Variants in DCLK1 observed in about 807,000 individuals in gnomAD.
DCLK1 encodes the protein doublecortin like kinase 1, also known as serine/threonine-protein kinase DCLK1.
DCLK1 carries 16 observed loss-of-function variants against 86.2 expected under a neutral mutation model. The ratio of observed to expected loss-of-function variants is 0.19; its 90% CI spans 0.13 to 0.28. The LOEUF (loss-of-function observed/expected upper bound fraction) is 0.28. Ranked by LOEUF, DCLK1 falls within the 10% of genes least tolerant of loss-of-function variation. The probability of loss-of-function intolerance (pLI) is 1.00; values close to 1 mark genes in which losing one functional copy is unlikely to be tolerated. For synonymous variants in DCLK1, 369 were observed against 370.5 expected (o/e 1.00, Z 0.05); for missense variants, 590 against 940.2 (o/e 0.63, Z 4.87).
intron 5 of DCLK1, among the ~76,000 whole-genome samples, chr13:35,868,730 A>G (rs1872041394): frequency 6.6e-6 from 1 of 152,162 alleles, no homozygotes; most frequent in Non-Finnish European, 1.5e-5. Flanking sequence ...GGCTAGGCTT[A>G]TGACTTTGTT....
chr13:35,970,937 A>T (rs1476557064), intron 3 of DCLK1, among the ~76,000 whole-genome samples: 1 of 152,178 alleles, frequency 6.6e-6, no homozygotes, highest in African/African-American at 2.4e-5. Flanking sequence ...CAGAGATGAG[A>T]CTGGGCTACC....
chr13:35,863,184 CA>C (rs1483412852), intron 5 of DCLK1, among the ~76,000 whole-genome samples: 1 of 152,204 alleles, frequency 6.6e-6, no homozygotes, highest in Non-Finnish European at 1.5e-5. Context: ...GATGTTCACA[CA>C]ATGGCAAAAT....
rs200543399 is a variant in DCLK1 at position 36,004,814 on chromosome 13, G to T, written c.724-57357C>A. 5.3e-5 allele frequency among the ~76,000 whole-genome samples: 8 copies of T among 152,300 alleles called. 1 individual carries two copies. In the East Asian group the frequency reaches 1.5e-3, roughly 29 times the overall value. ...GCTGGTCTCAAACTCTTGGGCTCAA[G>T]CGATCTGCCTGCCTCGGCCTCCCAA... On this transcript the variant is annotated intron_variant, in intron 3 of 16. Transcript: ENST00000360631.
At chr13:36,082,835 T>C (rs1200075253) in intron 3 of DCLK1, among the ~76,000 whole-genome samples, 1 of 152,188 alleles carries the variant, frequency 6.6e-6, no homozygotes, top group Non-Finnish European at 1.5e-5. Context: ...CCTAGAACTT[T>C]ATCTTCATTC....
At chr13:36,082,699 T>C (rs2138115722) in intron 3 of DCLK1, among the ~76,000 whole-genome samples, 1 of 152,314 alleles carries the variant, frequency 6.6e-6, no homozygotes, top group South Asian at 2.1e-4. Context: ...GCACAGTTTG[T>C]AAAACTTATG....
chr13:35,951,844 A>G (rs1877708660), intron 3 of DCLK1, among the ~76,000 whole-genome samples: 1 of 152,158 alleles, frequency 6.6e-6, no homozygotes. Context: ...TCCATCAGCT[A>G]TCTTGAAATG....
At chr13:35,788,130 T>C in intron 16 of DCLK1, 1 of 1,296,798 alleles carries the variant, frequency 7.7e-7, no homozygotes, top group East Asian at 2.3e-5. Flanking sequence ...AAAGCATGTT[T>C]ATCCACCGAA....
At chr13:36,101,662 C>T (rs7990205) in intron 3 of DCLK1, among the ~76,000 whole-genome samples, 49,378 of 151,920 alleles carry the variant, frequency 0.33, 8,561 homozygotes, top group African/African-American at 0.44. Flanking sequence ...CCTGAGGGTC[C>T]GCATCTCTGC....
At chr13:35,918,016 T>G (rs978420700) in intron 4 of DCLK1, among the ~76,000 whole-genome samples, 2 of 152,162 alleles carry the variant, frequency 1.3e-5, no homozygotes, top group African/African-American at 4.8e-5. Flanking sequence ...AACCCCACCA[T>G]TAATCTGCTA....
intron 3 of DCLK1, among the ~76,000 whole-genome samples, chr13:35,964,530 T>C (rs1243612654): frequency 6.6e-6 from 1 of 152,216 alleles, no homozygotes; most frequent in Non-Finnish European, 1.5e-5. Context: ...GCAAACCTAA[T>C]TACACTGAGG....
chr13:35,906,078 C>T (rs912738465), intron 4 of DCLK1, among the ~76,000 whole-genome samples: 5 of 152,258 alleles, frequency 3.3e-5, no homozygotes, highest in Middle Eastern at 3.4e-3. Context: ...TTGTTCTTTT[C>T]CTCCCTCAGC....
At chr13:35,781,381 A>G (rs1412153224) in intron 16 of DCLK1, among the ~76,000 whole-genome samples, 1 of 152,216 alleles carries the variant, frequency 6.6e-6, no homozygotes, top group Non-Finnish European at 1.5e-5. Flanking sequence ...CATAATCCCT[A>G]GGGAAACTTT....
chr13:35,807,475 C>T lies in DCLK1; in HGVS notation c.1863+749G>A, dbSNP rs535128653. 9.2e-5 allele frequency among the ~76,000 whole-genome samples: 14 copies of T among 152,290 alleles called. No homozygotes were observed. The East Asian group carries it at 1.5e-3, about 17-fold the overall frequency. On this transcript the variant is annotated intron_variant, in intron 14 of 16. Coordinates refer to ENST00000360631, the MANE Select transcript of DCLK1 (RefSeq NM_001330071.2). ...AGTCTTTCTTGATGATTTCAACCTACGTTGAGGTTGAGTTTTCTTCCTTCT... is the reference window on the plus strand; with the variant it reads ...AGTCTTTCTTGATGATTTCAACCTATGTTGAGGTTGAGTTTTCTTCCTTCT...
At chr13:35,816,904 G>C (rs1212974421) in intron 11 of DCLK1, among the ~76,000 whole-genome samples, 3 of 152,142 alleles carry the variant, frequency 2.0e-5, no homozygotes, top group Non-Finnish European at 2.9e-5. Context: ...ATTTCTAGAA[G>C]TAGAATTACT....
chr13:35,911,375 A>G (rs1282732179), intron 4 of DCLK1, among the ~76,000 whole-genome samples: 1 of 152,070 alleles, frequency 6.6e-6, no homozygotes, highest in Admixed American at 6.6e-5. Flanking sequence ...TGCTGCTCCA[A>G]GCAATGGCCC....
chr13:35,835,980 A>T, intron 8 of DCLK1, 53 bp downstream of exon 8: 1 of 1,311,320 alleles, frequency 7.6e-7, no homozygotes, highest in African/African-American at 1.5e-5. Flanking sequence ...ATCTTGGAAA[A>T]CATAACGCCA....
intron 3 of DCLK1, among the ~76,000 whole-genome samples, chr13:35,956,979 G>C (rs567423502): frequency 2.8e-4 from 42 of 152,190 alleles, no homozygotes; most frequent in Middle Eastern, 6.8e-3. Context: ...CTTCAAAAAA[G>C]ATTTTCAAAT....
At chr13:35,957,089 CTACT>C (rs1878028812) in intron 3 of DCLK1, among the ~76,000 whole-genome samples, 1 of 152,078 alleles carries the variant, frequency 6.6e-6, no homozygotes, top group Non-Finnish European at 1.5e-5. Context: ...TGAGATTCTC[CTACT>C]AAGTGTTTAT....
intron 3 of DCLK1, among the ~76,000 whole-genome samples, chr13:35,949,486 T>G (rs1225860703): frequency 1.3e-5 from 2 of 152,200 alleles, no homozygotes; most frequent in Non-Finnish European, 2.9e-5. Flanking sequence ...TGATAAATAT[T>G]TCACTGCCAA....
Sources: allele counts gnomAD v4.1 joint callset (sites outside exome capture counted in the v4.1 genomes callset), GRCh38; gene constraint gnomAD v4.1.1; transcripts MANE v1.5; gene names NCBI Gene and HGNC (gene_info 2026-07-23, HGNC 2026-07-21).